Variants in PIGL observed in about 807,000 individuals in gnomAD.
PIGL encodes N-acetylglucosaminyl-phosphatidylinositol de-N-acetylase.
PIGL carries 22 observed loss-of-function variants against 31.1 expected under a neutral mutation model. That is an observed-to-expected ratio of 0.71 (90% CI 0.51 to 1.01). PIGL has a LOEUF of 1.01. Among genes scored for constraint, PIGL ranks in the 50% least tolerant of loss-of-function variants. PIGL has a pLI of 0.00. For missense variants in PIGL, 302 were observed against 315.9 expected (o/e 0.96, Z 0.33); for synonymous variants, 131 against 117.4 (o/e 1.12, Z -0.75).
intron 3 of PIGL, among the ~76,000 whole-genome samples, chr17:16,310,941 G>A (rs531476076): frequency 6.6e-6 from 1 of 152,152 alleles, no homozygotes; most frequent in African/African-American, 2.4e-5. Flanking sequence ...TCACAGCTTC[G>A]GCCTCTGCTT....
At chr17:16,317,696 G>A in intron 5 of PIGL, 79 bp from the exon 6 acceptor site, 1 of 1,599,508 alleles carries the variant, frequency 6.3e-7, no homozygotes, top group Non-Finnish European at 8.5e-7. Flanking sequence ...GAGCCACAGG[G>A]TAGAGGGAGG....
chr17:16,269,871 A>C (rs2092863077), intron 2 of PIGL, among the ~76,000 whole-genome samples: 1 of 151,954 alleles, frequency 6.6e-6, no homozygotes, highest in South Asian at 2.1e-4. Context: ...TTTAAGAATG[A>C]GTCATTGCAT....
intron 1 of PIGL, among the ~76,000 whole-genome samples, chr17:16,219,268 G>C (rs1007603547): frequency 6.6e-6 from 1 of 151,348 alleles, no homozygotes; most frequent in Non-Finnish European, 1.5e-5. Context: ...CACTGTGTTA[G>C]CCAGGATGGT....
intron 2 of PIGL, among the ~76,000 whole-genome samples, chr17:16,254,548 G>A (rs980579394): frequency 2.0e-5 from 3 of 151,048 alleles, no homozygotes; most frequent in African/African-American, 4.9e-5. Flanking sequence ...GATTACAGGC[G>A]TGAGCCACCG....
chr17:16,272,267 A>T (rs2092876196), intron 2 of PIGL, among the ~76,000 whole-genome samples: 2 of 152,162 alleles, frequency 1.3e-5, no homozygotes, highest in African/African-American at 4.8e-5. Context: ...GTTTCCTAGA[A>T]CTAGCTGCCA....
intron 3 of PIGL, among the ~76,000 whole-genome samples, chr17:16,301,716 C>T (rs1455915780): frequency 1.3e-5 from 2 of 151,880 alleles, no homozygotes; most frequent in Middle Eastern, 3.2e-3. Flanking sequence ...GGACTACAGG[C>T]GCCCACCACC....
chr17:16,316,658 C>T, intron 4 of PIGL, 23 bp from the exon 5 acceptor site: 2 of 1,590,228 alleles, frequency 1.3e-6, no homozygotes, highest in Non-Finnish European at 1.7e-6. Flanking sequence ...ACTCCTCTCA[C>T]TCTTGTCCTA....
At chr17:16,292,831 A>T (rs930531277) in intron 2 of PIGL, among the ~76,000 whole-genome samples, 20 of 152,172 alleles carry the variant, frequency 1.3e-4, no homozygotes, top group Non-Finnish European at 2.9e-4. Context: ...GTCTGGCTTC[A>T]TACCTAAGAT....
intron 2 of PIGL, among the ~76,000 whole-genome samples, chr17:16,260,746 C>T (rs924002163): frequency 6.6e-6 from 1 of 152,140 alleles, no homozygotes; most frequent in Non-Finnish European, 1.5e-5. Flanking sequence ...CTCTATCTTG[C>T]TCACCCTCTA....
intron 1 of PIGL, among the ~76,000 whole-genome samples, chr17:16,226,621 C>G (rs1028609560): frequency 1.3e-5 from 2 of 152,092 alleles, no homozygotes; most frequent in African/African-American, 4.8e-5. Flanking sequence ...TCTATCACAC[C>G]AAGTAAAGGA....
chr17:16,308,257 GGGA>G (rs920274983), intron 3 of PIGL, among the ~76,000 whole-genome samples: 1 of 152,026 alleles, frequency 6.6e-6, no homozygotes, highest in African/African-American at 2.4e-5. Flanking sequence ...GCTTGAACCC[GGGA>G]GGAGGAGGTT....
intron 6 of PIGL, 23 bp downstream of exon 6, chr17:16,317,931 C>T: frequency 1.9e-6 from 3 of 1,577,892 alleles, no homozygotes; most frequent in South Asian, 1.1e-5. Context: ...AATTCCTGGA[C>T]ACCCCAACTC....
At position 16,299,874 on chromosome 17, in the gene PIGL, C is replaced by T. The variant is rs1396295990; in HGVS notation, c.336-14C>T. ...GATTAGAAAAGGTGTTCAAGTTGTG[C>T]TTCTCTCTTGTAGGGATTTCCCAGA... On this transcript the variant is annotated splice_polypyrimidine_tract_variant and intron_variant, in intron 2 of 6. Coordinates refer to ENST00000225609, the MANE Select transcript of PIGL (RefSeq NM_004278.4). The T allele has an allele frequency of 9.4e-6, 15 of 1,599,048 alleles. No individual in the cohort carries two copies. Among genetic ancestry groups the T allele is most frequent in the African/African-American group, 2.7e-5 (2 of 74,612 alleles).
At chr17:16,239,496 A>C (rs1466592484) in intron 2 of PIGL, among the ~76,000 whole-genome samples, 1 of 150,016 alleles carries the variant, frequency 6.7e-6, no homozygotes, top group Non-Finnish European at 1.5e-5. Flanking sequence ...AAAATAAAAA[A>C]GAAAAAAAAA....
At position 16,229,132 on chromosome 17, in the gene PIGL, C is replaced by G. The variant is rs183135483; in HGVS notation, c.236-4839C>G. ...CAAAAAATAAAAATAAAAAAATTAG[C>G]CAGTCTGGGTGGCGAGTGCCTATAG... On this transcript the variant is annotated intron_variant, in intron 1 of 6. Coordinates refer to ENST00000225609, the MANE Select transcript of PIGL (RefSeq NM_004278.4). 2.0e-4 allele frequency among the ~76,000 whole-genome samples: 30 copies of G among 152,032 alleles called. 1 individual carries two copies. The highest frequency in any genetic ancestry group is 7.0e-4 in the African/African-American group (29 of 41,480).
At chr17:16,250,258 A>C (rs1472420412) in intron 2 of PIGL, among the ~76,000 whole-genome samples, 1 of 152,068 alleles carries the variant, frequency 6.6e-6, no homozygotes, top group African/African-American at 2.4e-5. Context: ...CTGATACTTA[A>C]AATTAACCAG....
chr17:16,320,502 GGAGA>G (rs369354786), intron 6 of PIGL, among the ~76,000 whole-genome samples: 16 of 135,710 alleles, frequency 1.2e-4, no homozygotes, highest in African/African-American at 3.1e-4. Flanking sequence ...AGGGAAAGCG[GGAGA>G]GAGAGAGAGA....
At chr17:16,221,504 C>T (rs867934921) in intron 1 of PIGL, among the ~76,000 whole-genome samples, 17 of 149,662 alleles carry the variant, frequency 1.1e-4, no homozygotes, top group South Asian at 8.4e-4. Flanking sequence ...GGCTGGAGTG[C>T]AATGGCGCAA....
intron 2 of PIGL, among the ~76,000 whole-genome samples, chr17:16,262,537 A>G (rs2092823609): frequency 1.3e-5 from 2 of 152,236 alleles, no homozygotes; most frequent in South Asian, 2.1e-4. Flanking sequence ...AAAAATAAAC[A>G]CCAAATACAA....
Sources: gnomAD v4.1 joint callset for allele counts (sites outside exome capture counted in the v4.1 genomes callset) on GRCh38, gnomAD v4.1.1 for gene constraint, MANE v1.5 for transcripts, NCBI Gene and HGNC (gene_info 2026-07-23, HGNC 2026-07-21) for gene names.